MBD5: variants seen among roughly 807,000 people sequenced by gnomAD.
MBD5 encodes the protein methyl-CpG-binding domain protein 5.
Under a neutral mutation model 117.3 loss-of-function variants are expected in MBD5, and 13 were observed. The observed-to-expected ratio is 0.11, with a 90% CI of 0.07 to 0.18. The LOEUF is 0.18. Ranked by LOEUF, MBD5 falls within the 10% of genes least tolerant of loss-of-function variation. MBD5 has a pLI of 1.00. For missense variants in MBD5, 1,879 were observed against 2,093.8 expected (o/e 0.90, Z 2.00); for synonymous variants, 727 against 766.4 (o/e 0.95, Z 0.85).
intron 3 of MBD5, among the ~76,000 whole-genome samples, chr2:148,290,779 T>C (rs768369119): frequency 8.5e-5 from 13 of 152,240 alleles, no homozygotes; most frequent in Non-Finnish European, 1.6e-4. Flanking sequence ...ATTTGAGTAG[T>C]TTCTACTTTT....
intron 1 of MBD5, among the ~76,000 whole-genome samples, chr2:148,089,371 T>C (rs1574001229): frequency 6.6e-6 from 1 of 152,098 alleles, no homozygotes; most frequent in Non-Finnish European, 1.5e-5. Flanking sequence ...CAGAACATTA[T>C]ACCTAACAAC....
chr2:148,276,026 C>T (rs984383864), intron 3 of MBD5, among the ~76,000 whole-genome samples: 2 of 151,620 alleles, frequency 1.3e-5, no homozygotes, highest in Admixed American at 1.3e-4. Flanking sequence ...TATTTTTTAA[C>T]GTTGGCCAAG....
chr2:148,262,076 CAAT>C (rs1463556253), intron 3 of MBD5, among the ~76,000 whole-genome samples: 1 of 151,960 alleles, frequency 6.6e-6, no homozygotes, highest in Non-Finnish European at 1.5e-5. Flanking sequence ...ATATTAGATG[CAAT>C]AATAATGAAA....
At chr2:148,477,768 A>C (rs1053108302) in intron 8 of MBD5, among the ~76,000 whole-genome samples, 1 of 152,196 alleles carries the variant, frequency 6.6e-6, no homozygotes, top group Non-Finnish European at 1.5e-5. Context: ...ATGCAAGTAC[A>C]CTTACCAAAG....
chr2:148,123,660 T>C (rs1303514667), intron 1 of MBD5, among the ~76,000 whole-genome samples: 2 of 152,206 alleles, frequency 1.3e-5, no homozygotes, highest in Admixed American at 1.3e-4. Flanking sequence ...ACCTCTAATA[T>C]TCATACATGA....
At chr2:148,048,251 A>C (rs929548407) in intron 1 of MBD5, among the ~76,000 whole-genome samples, 4 of 152,194 alleles carry the variant, frequency 2.6e-5, no homozygotes, top group African/African-American at 9.6e-5. Flanking sequence ...GGTCCGTCTC[A>C]GTAGGACTCG....
chr2:148,459,111 T>G (rs1262193810), intron 5 of MBD5, among the ~76,000 whole-genome samples: 2 of 152,138 alleles, frequency 1.3e-5, no homozygotes, highest in African/African-American at 4.8e-5. Context: ...AGAAGATTTC[T>G]AAAAGAAACA....
At chr2:148,199,359 C>G (rs1699076944) in intron 2 of MBD5, among the ~76,000 whole-genome samples, 1 of 152,164 alleles carries the variant, frequency 6.6e-6, no homozygotes, top group African/African-American at 2.4e-5. Context: ...AATAATATGG[C>G]AGACTTTTAA....
intron 1 of MBD5, among the ~76,000 whole-genome samples, chr2:148,150,357 T>C (rs1206090595): frequency 6.6e-6 from 1 of 151,244 alleles, no homozygotes; most frequent in Non-Finnish European, 1.5e-5. Context: ...TGTAGTATAG[T>C]TTGAAGTCAG....
intron 4 of MBD5, among the ~76,000 whole-genome samples, chr2:148,413,073 A>T (rs1033179963): frequency 6.6e-6 from 1 of 152,076 alleles, no homozygotes; most frequent in African/African-American, 2.4e-5. Context: ...TTGCTCATTA[A>T]GTGTGATGTT....
chr2:148,127,974 C>G (rs1696943278), intron 1 of MBD5, among the ~76,000 whole-genome samples: 1 of 152,174 alleles, frequency 6.6e-6, no homozygotes, highest in Admixed American at 6.5e-5. Flanking sequence ...TTGCATTTCT[C>G]TAATGATCAG....
chr2:148,394,140 G>T lies in MBD5; in HGVS notation c.-557+51804G>T, dbSNP rs896877682. On this transcript the variant is annotated intron_variant, in intron 4 of 13. Coordinates refer to ENST00000642680, the MANE Select transcript of MBD5 (RefSeq NM_001378120.1). ...TTTTCTGACATCCTAAATTCACTGC[G>T]TGGCTATATTGTTTTTTCTTTAGTG... Among the ~76,000 whole-genome samples, 2 of 152,044 alleles carry T rather than the reference G, an allele frequency of 1.3e-5. 1 individual carries two copies. Among genetic ancestry groups the T allele is most frequent in the East Asian group, 3.8e-4 (2 of 5,198 alleles).
rs1044954162 is a variant in MBD5 at position 148,446,307 on chromosome 2, G to A, written c.-556-11896G>A. 2.0e-5 allele frequency among the ~76,000 whole-genome samples: 3 copies of A among 152,016 alleles called. No homozygotes were observed. In the South Asian group the frequency reaches 6.2e-4, roughly 32 times the overall value. ...TTTAATCCATCTTGAATTAATTTTT[G>A]TATGAGGTGTAAGGAAAACTGGCTA... is the stretch of plus-strand genomic sequence containing the variant. On this transcript the variant is annotated intron_variant, in intron 4 of 13. Transcript: ENST00000642680.
chr2:148,160,334 G>A (rs966422517), intron 1 of MBD5, among the ~76,000 whole-genome samples: 7 of 152,138 alleles, frequency 4.6e-5, no homozygotes, highest in Admixed American at 3.3e-4. Context: ...GGAGGTGGAG[G>A]TTGCAGTGAG....
intron 4 of MBD5, among the ~76,000 whole-genome samples, chr2:148,425,962 A>G (rs558468588): frequency 6.6e-6 from 1 of 152,312 alleles, no homozygotes; most frequent in Non-Finnish European, 1.5e-5. Flanking sequence ...GTCTCAGGAT[A>G]CAAAATCAAT....
intron 1 of MBD5, among the ~76,000 whole-genome samples, chr2:148,173,396 C>T (rs1232859751): frequency 6.6e-6 from 1 of 152,238 alleles, no homozygotes; most frequent in Non-Finnish European, 1.5e-5. Flanking sequence ...GTCAGCACGC[C>T]TGGCTCTGCG....
At chr2:148,069,661 C>CCTAA (rs982038192) in intron 1 of MBD5, among the ~76,000 whole-genome samples, 9 of 151,700 alleles carry the variant, frequency 5.9e-5, no homozygotes, top group African/African-American at 1.9e-4. Flanking sequence ...TTTTTAATGT[C>CCTAA]TTAATTAATT....
intron 1 of MBD5, among the ~76,000 whole-genome samples, chr2:148,169,800 G>GAGGGGTAAACACAAAGCTTA (rs1475401139): frequency 2.0e-5 from 3 of 152,134 alleles, no homozygotes; most frequent in African/African-American, 7.2e-5. Context: ...CAAGTTGCAA[G>GAGGGGTAAACACAAAGCTTA]AGGGGTAAAC....
At chr2:148,205,773 C>T (rs552608879) in intron 2 of MBD5, among the ~76,000 whole-genome samples, 2 of 152,192 alleles carry the variant, frequency 1.3e-5, no homozygotes, top group African/African-American at 4.8e-5. Flanking sequence ...TGCCTGTAAT[C>T]CCAGCACTGT....
Sources: allele counts gnomAD v4.1 joint callset (sites outside exome capture counted in the v4.1 genomes callset), GRCh38; gene constraint gnomAD v4.1.1; transcripts MANE v1.5; gene names NCBI Gene and HGNC (gene_info 2026-07-23, HGNC 2026-07-21).